PIK3CD: variants seen among roughly 807,000 people sequenced by gnomAD.
PIK3CD encodes phosphatidylinositol-4,5-bisphosphate 3-kinase catalytic subunit delta, also known as phosphatidylinositol 4,5-bisphosphate 3-kinase catalytic subunit delta isoform.
In PIK3CD, 20 loss-of-function variants were observed where a neutral mutation model predicts 122.9. The observed-to-expected ratio is 0.16, with a 90% CI of 0.11 to 0.24. The LOEUF is 0.24. PIK3CD is among the 10% of genes least tolerant of loss of function. The probability of loss-of-function intolerance (pLI) is 1.00; values close to 1 mark genes in which losing one functional copy is unlikely to be tolerated. For synonymous variants in PIK3CD, 596 were observed against 593.4 expected, an observed-to-expected ratio of 1.00 and a Z score of -0.06; for missense variants, 787 against 1,406.3, an observed-to-expected ratio of 0.56 and a Z score of 7.04.
rs2101042359 is a variant in PIK3CD, at chr1:9,726,912, T to A, written c.3001T>A (p.Ser1001Thr). The part of the protein sequence containing the change: ...CSKDIQYLKD[S>T]LALGKTEEEA... ...CACCGCTGTGATTTGTTTGCAGGAC[T>A]CCCTGGCACTGGGGAAAACAGAGGA... The change falls in exon 24 of 24, where the codon TCC becomes ACC. Residue 1001 changes from serine (S) to threonine (T), a missense_variant. Coordinates refer to ENST00000377346, the MANE Select transcript of PIK3CD (RefSeq NM_005026.5). The A allele has an allele frequency of 1.9e-6, 3 of 1,613,838 alleles. No homozygotes were observed. Among genetic ancestry groups the A allele is most frequent in the Non-Finnish European group, 2.5e-6 (3 of 1,179,858 alleles).
rs544925884 is a variant in PIK3CD at position 9,712,552 on chromosome 1, A to T, written c.141+1956A>T. ...CACCTTGGCCTCCCTTAGTGCTGGG[A>T]TTACAGCCGTGAGCCATGGCACCCG... On this transcript the variant is annotated intron_variant, in intron 3 of 23. Transcript: ENST00000377346. Among the ~76,000 whole-genome samples, 12 of 152,180 alleles carry T rather than the reference A, an allele frequency of 7.9e-5. No individual in the cohort carries two copies. The South Asian group carries it at 1.7e-3, about 21-fold the overall frequency.
chr1:9,697,907 C>A (rs1412151660), intron 2 of PIK3CD, among the ~76,000 whole-genome samples: 3 of 151,894 alleles, frequency 2.0e-5, no homozygotes, highest in African/African-American at 7.3e-5. Flanking sequence ...TGGCGTGCAC[C>A]TGTAGTCCCA....
intron 2 of PIK3CD, among the ~76,000 whole-genome samples, chr1:9,701,884 G>GT (rs1294635813): frequency 6.6e-6 from 1 of 152,028 alleles, no homozygotes; most frequent in Non-Finnish European, 1.5e-5. Flanking sequence ...TGGGGTGAGA[G>GT]TAGGGGAGCA....
intron 1 of PIK3CD, among the ~76,000 whole-genome samples, chr1:9,655,954 C>T (rs1236657796): frequency 6.6e-6 from 1 of 152,168 alleles, no homozygotes; most frequent in Non-Finnish European, 1.5e-5. Context: ...ACCTTGGCCT[C>T]CCAGAGCGCT....
chr1:9,698,435 G>T (rs1319892781), intron 2 of PIK3CD, among the ~76,000 whole-genome samples: 1 of 152,174 alleles, frequency 6.6e-6, no homozygotes, highest in Non-Finnish European at 1.5e-5. Context: ...AGCCACCATG[G>T]CTGGCCTTTC....
chr1:9,718,038 C>A lies in PIK3CD; in HGVS notation c.1020+412C>A. 2 of 477,712 alleles carry A rather than the reference C, an allele frequency of 4.2e-6. No individual in the cohort carries two copies. The highest frequency in any genetic ancestry group is 1.9e-5 in the African/African-American group (1 of 51,300). 29.6% of individuals were successfully genotyped at this position (477,712 alleles called of 1,614,324 possible). Reference sequence around the variant, plus strand: ...CTGTGAGGGCTGCACCTGCCTCAACCTCTAGGGGCTGAGCCCACCTCCCTG... The same window carrying A: ...CTGTGAGGGCTGCACCTGCCTCAACATCTAGGGGCTGAGCCCACCTCCCTG... On this transcript the variant is annotated intron_variant, in intron 8 of 23. Coordinates refer to ENST00000377346, the MANE Select transcript of PIK3CD (RefSeq NM_005026.5). The surrounding 1 kb of genome is among the most constrained non-coding windows in gnomAD (Gnocchi z 7.2).
In PIK3CD at chr1:9,716,952, G is replaced by A. The variant is rs770192569; in HGVS notation, c.781-7G>A. ...CCACCAGCCGCTCACCCTGCACCCC[G>A]TCTCAGTACATCTGCAGCTGCCTGC... On this transcript the variant is annotated splice_region_variant and splice_polypyrimidine_tract_variant and intron_variant, in intron 6 of 23. Coordinates refer to ENST00000377346, the MANE Select transcript of PIK3CD (RefSeq NM_005026.5). 22 of 1,613,536 alleles carry A rather than the reference G, an allele frequency of 1.4e-5. No individual in the cohort carries two copies. Among genetic ancestry groups the A allele is most frequent in the Middle Eastern group, 1.6e-4 (1 of 6,084 alleles).
chr1:9,646,704 G>A, the PIK3CD span, among the ~76,000 whole-genome samples: 2 of 152,136 alleles, frequency 1.3e-5, no homozygotes, highest in Admixed American at 1.3e-4. Flanking sequence ...TGTGGTCCCA[G>A]CACTTTGGGA....
In PIK3CD at chr1:9,718,951, C is replaced by T; in HGVS notation, c.1242+36C>T. The T allele has an allele frequency of 6.3e-7, 1 of 1,590,346 alleles. No homozygotes were observed. ...GGGCCGGCTGGGAGGGGTGCAGACC[C>T]CGGAGAGCCAGTACAGCCCCTTGCT... On this transcript the variant is annotated intron_variant, in intron 9 of 23. Transcript: ENST00000377346. This position sits in a 1 kb window ranked among gnomAD's most constrained non-coding sequence, Gnocchi z 7.2.
chr1:9,718,250 A>G lies in PIK3CD; in HGVS notation c.1021-444A>G. 2.1e-6 allele frequency: 1 copy of G among 468,646 alleles called. No individual in the cohort carries two copies. Among genetic ancestry groups the G allele is most frequent in the Non-Finnish European group, 4.2e-6 (1 of 236,406 alleles). 29.0% of individuals were successfully genotyped at this position (468,646 alleles called of 1,614,324 possible). On this transcript the variant is annotated intron_variant, in intron 8 of 23. Transcript: ENST00000377346. The surrounding 1 kb of genome is among the most constrained non-coding windows in gnomAD (Gnocchi z 7.2). The stretch of plus-strand genomic sequence containing the variant: ...ACTGGCAGGAATCGAGGGGGACTGG[A>G]TCAGAGGGACTTCCAGGGTGGTGGT...
In PIK3CD at chr1:9,724,442, C is replaced by A. The variant is rs755903530; in HGVS notation, c.2864+21C>A. 6 of 1,613,654 alleles carry A rather than the reference C, an allele frequency of 3.7e-6. No homozygotes were observed. The highest frequency in any genetic ancestry group is 2.7e-5 in the African/African-American group (2 of 74,928). On this transcript the variant is annotated intron_variant, in intron 22 of 23. Coordinates refer to ENST00000377346, the MANE Select transcript of PIK3CD (RefSeq NM_005026.5). This position sits in a 1 kb window ranked among gnomAD's most constrained non-coding sequence, Gnocchi z 7.3. ...GAACGGTGAGAGTGCCTGAGCCCCACCAGATGCCCCTCGGTGTGGGGCCCC... is the reference window on the plus strand; with the variant it reads ...GAACGGTGAGAGTGCCTGAGCCCCAACAGATGCCCCTCGGTGTGGGGCCCC...
At chr1:9,633,971 T>C in the PIK3CD span, among the ~76,000 whole-genome samples, 2 of 151,698 alleles carry the variant, frequency 1.3e-5, no homozygotes, top group Non-Finnish European at 2.9e-5. Context: ...CTCACAGACT[T>C]TTCCTTTTTT....
intron 1 of PIK3CD, among the ~76,000 whole-genome samples, chr1:9,682,695 G>A (rs534843959): frequency 4.6e-5 from 7 of 151,628 alleles, no homozygotes; most frequent in African/African-American, 1.7e-4. Context: ...GATTACAGGT[G>A]CACACCACCA....
Position 9,724,112 on chromosome 1 carries a change from C to G in PIK3CD, c.2718+20C>G. 6.2e-7 allele frequency: 1 copy of G among 1,614,034 alleles called. No individual in the cohort carries two copies. The highest frequency in any genetic ancestry group is 1.7e-5 in the Admixed American group (1 of 60,018). The stretch of plus-strand genomic sequence containing the variant: ...GGGCAGGTACAGGGGCTGGTGCTGG[C>G]GGCTGCTGTGGGGACTTGGCTTCTG... On this transcript the variant is annotated intron_variant, in intron 21 of 23. Coordinates refer to ENST00000377346, the MANE Select transcript of PIK3CD (RefSeq NM_005026.5). The surrounding 1 kb of genome is among the most constrained non-coding windows in gnomAD (Gnocchi z 7.3).
rs1046472589 is a variant in PIK3CD at position 9,710,549 on chromosome 1, C to G, written c.94C>G (p.Leu32Val). The G allele has an allele frequency of 6.2e-7, 1 of 1,613,916 alleles. No homozygotes were observed. Among genetic ancestry groups the G allele is most frequent in the African/African-American group, 1.3e-5 (1 of 74,878 alleles). Residue 32 changes from leucine to valine, a missense_variant, in exon 3 of 24, where the codon CTG becomes GTG. By Grantham distance (32) the Leu-to-Val change is conservative. This residue lies in a region of PIK3CD where 592 missense variants were observed against 920.6 expected (regional missense o/e 0.64). Transcript: ENST00000377346. The surrounding 1 kb of genome is among the most constrained non-coding windows in gnomAD (Gnocchi z 4.7). The part of the protein sequence containing the change: ...VDFLLPTGVY[L>V]NFPVSRNANL... ...CTTCCTGCTGCCCACAGGGGTCTAC[C>G]TGAACTTCCCTGTGTCCCGCAATGC... is the stretch of plus-strand genomic sequence containing the variant.
chr1:9,644,565 T>G, the PIK3CD span, among the ~76,000 whole-genome samples: 2 of 148,030 alleles, frequency 1.4e-5, no homozygotes, highest in African/African-American at 2.5e-5. Flanking sequence ...ATATGTAACC[T>G]TCAAGAACAG....
chr1:9,709,968 T>C (rs1646984469), intron 2 of PIK3CD, among the ~76,000 whole-genome samples: 1 of 151,380 alleles, frequency 6.6e-6, no homozygotes, highest in Non-Finnish European at 1.5e-5. Context: ...GTGGTGCCAC[T>C]GCACTCCAGC....
At chr1:9,635,666 G>A in the PIK3CD span, among the ~76,000 whole-genome samples, 42 of 152,356 alleles carry the variant, frequency 2.8e-4, no homozygotes, top group Admixed American at 1.8e-3. Flanking sequence ...ATGTGGATGC[G>A]TGGGGGATCT....
chr1:9,719,886 G>A lies in PIK3CD; in HGVS notation c.1243-35G>A, dbSNP rs760976325. 39 of 1,573,312 alleles carry A rather than the reference G, an allele frequency of 2.5e-5. No homozygotes were observed. Among genetic ancestry groups the A allele is most frequent in the Non-Finnish European group, 3.3e-5 (38 of 1,143,708 alleles). Reference sequence around the variant, plus strand: ...AGGGAAGCTGGGTCTGGAGGCCCCTGAGTGGCTGTCCTCACCTGCCCTGTC... The same window carrying A: ...AGGGAAGCTGGGTCTGGAGGCCCCTAAGTGGCTGTCCTCACCTGCCCTGTC... On this transcript the variant is annotated intron_variant, in intron 9 of 23. Transcript: ENST00000377346. This position sits in a 1 kb window ranked among gnomAD's most constrained non-coding sequence, Gnocchi z 5.5.
Sources: gnomAD v4.1 joint callset for allele counts (sites outside exome capture counted in the v4.1 genomes callset) on GRCh38, gnomAD v4.1.1 for gene constraint, gnomAD v4.1.1 regional missense constraint, Gnocchi (gnomAD v3.1) non-coding constraint, MANE v1.5 for transcripts, NCBI Gene and HGNC (gene_info 2026-07-23, HGNC 2026-07-21) for gene names.